CCSER1: variants seen among roughly 807,000 people sequenced by gnomAD.
The protein encoded by CCSER1 is coiled-coil serine rich protein 1, also known as serine-rich coiled-coil domain-containing protein 1.
A neutral mutation model predicts 82.0 loss-of-function variants in CCSER1; 41 were observed. That is an observed-to-expected ratio of 0.50 (90% confidence interval 0.39 to 0.65). The LOEUF (loss-of-function observed/expected upper bound fraction) is 0.65. CCSER1 is among the 30% of genes least tolerant of loss of function. The pLI is 0.00. For synonymous variants in CCSER1, 414 were observed against 383.9 expected (o/e 1.08, Z -0.92); for missense variants, 1,119 against 1,064.2 (o/e 1.05, Z -0.72).
At chr4:90,626,802 C>T (rs566076347) in intron 5 of CCSER1, among the ~76,000 whole-genome samples, 1 of 152,122 alleles carries the variant, frequency 6.6e-6, no homozygotes, top group South Asian at 2.1e-4. Flanking sequence ...GATTTAACAC[C>T]TATAAGGACA....
intron 10 of CCSER1, among the ~76,000 whole-genome samples, chr4:91,147,657 C>T (rs965460086): frequency 2.0e-5 from 3 of 152,200 alleles, no homozygotes; most frequent in African/African-American, 7.2e-5. Flanking sequence ...GGTGGAGCAC[C>T]AGCTGTGCTG....
At chr4:91,222,552 T>C (rs1737840235) in intron 10 of CCSER1, among the ~76,000 whole-genome samples, 1 of 152,144 alleles carries the variant, frequency 6.6e-6, no homozygotes, top group South Asian at 2.1e-4. Flanking sequence ...AGCTTCCCAT[T>C]ATAATATTTA....
At chr4:90,638,761 C>T (rs1244601153) in intron 6 of CCSER1, among the ~76,000 whole-genome samples, 2 of 152,088 alleles carry the variant, frequency 1.3e-5, no homozygotes. Context: ...TTCAACAGTC[C>T]TCTTGGAGAG....
chr4:90,309,201 C>CAACA lies in CCSER1; in HGVS notation c.919_922dup (p.Thr308AsnfsTer19). On this transcript the variant is annotated frameshift_variant, in exon 2 of 11. Transcript: ENST00000509176. LOFTEE classifies it high-confidence loss of function. ...CTCAATTCTGCTGCTGTTACAAAGA[C>CAACA]AACAACAGAACTTACGGGAACTGTT... The CAACA allele has an allele frequency of 6.2e-7, 1 of 1,613,896 alleles. No homozygotes were observed. The highest frequency in any genetic ancestry group is 8.5e-7 in the Non-Finnish European group (1 of 1,179,822).
intron 10 of CCSER1, among the ~76,000 whole-genome samples, chr4:91,570,285 C>T (rs1763108571): frequency 6.7e-6 from 1 of 150,334 alleles, no homozygotes. Flanking sequence ...GTCAGTGGGT[C>T]TACCATTCTG....
At chr4:91,458,445 TC>T (rs1756321899) in intron 10 of CCSER1, among the ~76,000 whole-genome samples, 1 of 152,148 alleles carries the variant, frequency 6.6e-6, no homozygotes, top group Non-Finnish European at 1.5e-5. Flanking sequence ...TATTTTGAAG[TC>T]AGGTAGTGAG....
chr4:90,298,461 T>C (rs1474626347), intron 1 of CCSER1, among the ~76,000 whole-genome samples: 2 of 151,410 alleles, frequency 1.3e-5, no homozygotes, highest in African/African-American at 4.8e-5. Flanking sequence ...GATTCATTAA[T>C]TTTTTGAAGG....
At chr4:91,354,190 G>C (rs894971208) in intron 10 of CCSER1, among the ~76,000 whole-genome samples, 17 of 152,154 alleles carry the variant, frequency 1.1e-4, no homozygotes, top group Admixed American at 2.6e-4. Flanking sequence ...ATATCCTCCT[G>C]AGCCATCTTG....
chr4:90,212,465 A>G (rs1560806761), intron 1 of CCSER1, among the ~76,000 whole-genome samples: 1 of 152,138 alleles, frequency 6.6e-6, no homozygotes, highest in Non-Finnish European at 1.5e-5. Context: ...ATGTTGTATC[A>G]CTTAAAATGG....
chr4:91,443,038 T>G (rs1478275249), intron 10 of CCSER1, among the ~76,000 whole-genome samples: 9 of 151,428 alleles, frequency 5.9e-5, no homozygotes, highest in East Asian at 2.0e-4. Context: ...CTGTAAACTA[T>G]TTCAACCATT....
At chr4:91,490,365 A>G (rs1758451159) in intron 10 of CCSER1, among the ~76,000 whole-genome samples, 1 of 152,194 alleles carries the variant, frequency 6.6e-6, no homozygotes. Flanking sequence ...AGATGGATGA[A>G]TAAAGGAAAC....
chr4:91,293,365 T>C, intron 10 of CCSER1, among the ~76,000 whole-genome samples: 1 of 152,138 alleles, frequency 6.6e-6, no homozygotes, highest in African/African-American at 2.4e-5. Context: ...TGAGGGTCTT[T>C]TGTTATTATC....
chr4:91,108,649 CAT>C (rs1725842038), intron 10 of CCSER1, among the ~76,000 whole-genome samples: 1 of 152,164 alleles, frequency 6.6e-6, no homozygotes, highest in South Asian at 2.1e-4. Context: ...AGGTTCTGTG[CAT>C]ACTGTATACA....
At chr4:91,024,342 C>T (rs909423985) in intron 9 of CCSER1, among the ~76,000 whole-genome samples, 2 of 152,004 alleles carry the variant, frequency 1.3e-5, no homozygotes, top group African/African-American at 4.8e-5. Context: ...AAACAGAAAA[C>T]TATTCTGTAT....
At chr4:91,327,861 A>C (rs148473478) in intron 10 of CCSER1, among the ~76,000 whole-genome samples, 2,810 of 152,248 alleles carry the variant, frequency 0.018, 77 homozygotes, top group African/African-American at 0.064. Context: ...TCTCAATCTC[A>C]AAGTTCCACA....
chr4:90,295,374 G>T (rs916880088), intron 1 of CCSER1, among the ~76,000 whole-genome samples: 20 of 151,898 alleles, frequency 1.3e-4, no homozygotes, highest in Non-Finnish European at 2.5e-4. Flanking sequence ...GAAAAATATT[G>T]TATTTATTTC....
intron 5 of CCSER1, among the ~76,000 whole-genome samples, chr4:90,584,792 T>G (rs1293811635): frequency 9.2e-5 from 14 of 152,196 alleles, no homozygotes; most frequent in Admixed American, 9.2e-4. Context: ...AACCATGTTT[T>G]AGTTCAATTT....
intron 1 of CCSER1, among the ~76,000 whole-genome samples, chr4:90,183,858 A>G (rs1734133280): frequency 6.6e-6 from 1 of 152,136 alleles, no homozygotes; most frequent in South Asian, 2.1e-4. Flanking sequence ...TTATTTGTTA[A>G]TTTGAGAAGT....
At chr4:91,576,861 A>T (rs1284329065) in intron 10 of CCSER1, among the ~76,000 whole-genome samples, 5 of 151,980 alleles carry the variant, frequency 3.3e-5, no homozygotes, top group Non-Finnish European at 4.4e-5. Flanking sequence ...TACTTAACCT[A>T]TATTTTCAGC....
Sources: allele counts gnomAD v4.1 joint callset (sites outside exome capture counted in the v4.1 genomes callset), GRCh38; gene constraint gnomAD v4.1.1; transcripts MANE v1.5; gene names NCBI Gene and HGNC (gene_info 2026-07-23, HGNC 2026-07-21).